The following LINGO2 variants were observed in gnomAD, a reference collection of about 807,000 sequenced individuals.
The protein encoded by LINGO2 is leucine-rich repeat and immunoglobulin-like domain-containing nogo receptor-interacting protein 2.
A neutral mutation model predicts 30.6 loss-of-function variants in LINGO2; 14 were observed. That is an observed-to-expected ratio of 0.46 (90% CI 0.30 to 0.72). The LOEUF (loss-of-function observed/expected upper bound fraction) is 0.72, where lower values mean the gene tolerates loss of function less well. Among genes scored for constraint, LINGO2 ranks in the 30% least tolerant of loss-of-function variants. The pLI, the probability that LINGO2 is intolerant of heterozygous loss-of-function variation, is 0.07. For missense variants in LINGO2, 729 were observed against 751.7 expected, an observed-to-expected ratio of 0.97 and a Z score of 0.35; for synonymous variants, 317 against 288.5, an observed-to-expected ratio of 1.10 and a Z score of -1.00.
chr9:28,554,784 A>T (rs1169951153), intron 1 of LINGO2, among the ~76,000 whole-genome samples: 1 of 131,234 alleles, frequency 7.6e-6, no homozygotes, highest in Non-Finnish European at 1.6e-5. Flanking sequence ...AAGAACAGAA[A>T]TTATAACAAA....
In LINGO2 at chr9:28,329,087, G is replaced by A. The variant is rs561665670; in HGVS notation, c.-245-33721C>T. On this transcript the variant is annotated intron_variant, in intron 3 of 5. Transcript: ENST00000379992. The surrounding 1 kb of genome is among the most constrained non-coding windows in gnomAD (Gnocchi z 4.5). ...GAGCAGTCCCAGTATTTCTTGGTGT[G>A]TTGCTCATGTTCATAAATATTTTTG... 5.9e-5 allele frequency among the ~76,000 whole-genome samples: 9 copies of A among 152,234 alleles called. No homozygotes were observed. The South Asian group carries it at 1.5e-3, about 25-fold the overall frequency.
At chr9:28,860,989 ATAT>A in the LINGO2 span, among the ~76,000 whole-genome samples, 134 of 108,628 alleles carry the variant, frequency 1.2e-3, no homozygotes, top group Non-Finnish European at 2.1e-3. Flanking sequence ...AATCTATAAT[ATAT>A]TATATTTATT....
intron 1 of LINGO2, among the ~76,000 whole-genome samples, chr9:28,555,138 A>G (rs1473394669): frequency 3.0e-5 from 4 of 131,798 alleles, no homozygotes; most frequent in South Asian, 2.5e-4. Context: ...GCAAGAAATA[A>G]CTAAAATCAG....
chr9:28,762,291 G>A, the LINGO2 span, among the ~76,000 whole-genome samples: 1 of 151,894 alleles, frequency 6.6e-6, no homozygotes, highest in South Asian at 2.1e-4. Flanking sequence ...TATAAAGATA[G>A]CTAAACCACA....
At chr9:28,241,509 A>G (rs1361600334) in intron 4 of LINGO2, among the ~76,000 whole-genome samples, 1 of 152,050 alleles carries the variant, frequency 6.6e-6, no homozygotes, top group Admixed American at 6.6e-5. Flanking sequence ...CCCACCTGAG[A>G]GCCACAGGGG....
Position 28,356,855 on chromosome 9 carries a change from C to T in LINGO2, c.-246+15981G>A, listed in dbSNP as rs543811868. ...CCTATTTCTAACCTCTGGAGAGATA[C>T]TAAGCAAGTTTACTTCCTCTTCCAC... On this transcript the variant is annotated intron_variant, in intron 3 of 5. Transcript: ENST00000379992. 3.9e-5 allele frequency among the ~76,000 whole-genome samples: 6 copies of T among 151,942 alleles called. No individual in the cohort carries two copies. In the South Asian group the frequency reaches 1.0e-3, roughly 27 times the overall value.
chr9:29,045,870 C>T, the LINGO2 span, among the ~76,000 whole-genome samples: 1 of 152,046 alleles, frequency 6.6e-6, no homozygotes, highest in Non-Finnish European at 1.5e-5. Flanking sequence ...CCCTGGTTGG[C>T]TATATTCTTA....
At chr9:27,954,796 C>T (rs1033950812) in intron 5 of LINGO2, among the ~76,000 whole-genome samples, 1 of 152,146 alleles carries the variant, frequency 6.6e-6, no homozygotes, top group Admixed American at 6.5e-5. Context: ...TACGAGAGTT[C>T]TATTTTTAGT....
chr9:27,969,545 T>A (rs1820256816), intron 5 of LINGO2, among the ~76,000 whole-genome samples: 1 of 152,016 alleles, frequency 6.6e-6, no homozygotes, highest in Non-Finnish European at 1.5e-5. Context: ...CAAAACAATC[T>A]CCCCTGAGAT....
At chr9:29,137,336 T>C in the LINGO2 span, among the ~76,000 whole-genome samples, 2 of 152,166 alleles carry the variant, frequency 1.3e-5, no homozygotes, top group Non-Finnish European at 2.9e-5. Context: ...AAATCTTCAT[T>C]ATTTAACAGT....
chr9:28,163,782 C>A (rs1828352718), intron 4 of LINGO2, among the ~76,000 whole-genome samples: 1 of 152,154 alleles, frequency 6.6e-6, no homozygotes, highest in African/African-American at 2.4e-5. Flanking sequence ...ACATCTACAG[C>A]CCAATTTTCT....
Position 28,255,093 on chromosome 9 carries a change from A to C in LINGO2, c.-87+40115T>G, listed in dbSNP as rs575216237. Among the ~76,000 whole-genome samples, 357 of 152,150 alleles carry C rather than the reference A, an allele frequency of 2.3e-3. 1 individual carries two copies. The highest frequency in any genetic ancestry group is 6.8e-3 in the Middle Eastern group (2 of 294). The stretch of plus-strand genomic sequence containing the variant: ...AATGATACTTATTCCTCCCAATTTT[A>C]TTTCAAAATAGTTGTGAAAATAGAT... On this transcript the variant is annotated intron_variant, in intron 4 of 5. Coordinates refer to ENST00000379992, the Ensembl canonical transcript of LINGO2.
At chr9:28,923,978 G>A in the LINGO2 span, among the ~76,000 whole-genome samples, 7 of 152,078 alleles carry the variant, frequency 4.6e-5, no homozygotes, top group Non-Finnish European at 7.4e-5. Flanking sequence ...GATCATGCTC[G>A]GTCTAGAAAA....
rs754334668 is a variant in LINGO2 at position 28,651,638 on chromosome 9, G to A, written c.-365+18562C>T. 2.2e-4 allele frequency among the ~76,000 whole-genome samples: 34 copies of A among 151,852 alleles called. 1 individual carries two copies. Among genetic ancestry groups the A allele is most frequent in the Admixed American group, 3.9e-4 (6 of 15,226 alleles). On this transcript the variant is annotated intron_variant, in intron 1 of 5. Transcript: ENST00000379992. Reference sequence around the variant, plus strand: ...GAGGCAGGTGAAAATTTCCATAATCGTATTAATGTACTATGTTTTAGTAAA... The same window carrying A: ...GAGGCAGGTGAAAATTTCCATAATCATATTAATGTACTATGTTTTAGTAAA...
At chr9:28,832,357 T>G in the LINGO2 span, among the ~76,000 whole-genome samples, 1 of 152,206 alleles carries the variant, frequency 6.6e-6, no homozygotes, top group Non-Finnish European at 1.5e-5. Context: ...AAATACCTCA[T>G]ACCACGTGTG....
At chr9:28,560,070 A>C (rs1822965035) in intron 1 of LINGO2, among the ~76,000 whole-genome samples, 1 of 147,868 alleles carries the variant, frequency 6.8e-6, no homozygotes, top group South Asian at 2.1e-4. Flanking sequence ...TAAGCAGCTT[A>C]TATTTAGGAG....
Position 27,950,711 on chromosome 9 carries a change from A to G in LINGO2, c.-35-5T>C. On this transcript the variant is annotated splice_polypyrimidine_tract_variant and splice_region_variant and intron_variant, in intron 5 of 5. Coordinates refer to ENST00000379992, the Ensembl canonical transcript of LINGO2. ...GTCTACACCTTGGTCACGGGTCTGC[A>G]TGGAAGGGACACAAGAAGGGAGGAA... is the stretch of plus-strand genomic sequence containing the variant. 6.8e-7 allele frequency: 1 copy of G among 1,460,440 alleles called. No individual in the cohort carries two copies. The highest frequency in any genetic ancestry group is 1.9e-4 in the Middle Eastern group (1 of 5,334). The allele number at this position is 1,460,440 out of a possible 1,614,324, so 90.5% of individuals were successfully genotyped here. A position where few individuals can be genotyped will look rare whatever the true frequency, so the allele number is the denominator to read the frequency against.
chr9:28,671,286 T>C (rs1323709283), upstream of LINGO2, among the ~76,000 whole-genome samples: 4 of 151,814 alleles, frequency 2.6e-5, no homozygotes, highest in Non-Finnish European at 5.9e-5. Context: ...AAAGTCAGTA[T>C]AGAATAAAAA....
At chr9:28,605,149 C>T (rs1825647030) in intron 1 of LINGO2, among the ~76,000 whole-genome samples, 1 of 151,914 alleles carries the variant, frequency 6.6e-6, no homozygotes. Context: ...ATATAAAATG[C>T]ACAATGTTTT....
Sources: gnomAD v4.1 joint callset for allele counts (sites outside exome capture counted in the v4.1 genomes callset) on GRCh38, gnomAD v4.1.1 for gene constraint, Gnocchi (gnomAD v3.1) non-coding constraint, MANE v1.5 for transcripts, NCBI Gene and HGNC (gene_info 2026-07-23, HGNC 2026-07-21) for gene names.